The following EML1 variants were observed in gnomAD, a reference collection of about 807,000 sequenced individuals.
EML1 encodes the protein echinoderm microtubule-associated protein-like 1.
EML1 carries 27 observed loss-of-function variants against 110.4 expected under a neutral mutation model. The ratio of observed to expected loss-of-function variants is 0.24; its 90% CI spans 0.18 to 0.34. EML1 has a LOEUF of 0.34. EML1 is among the 10% of genes least tolerant of loss of function. The pLI is 1.00. For synonymous variants in EML1, 344 were observed against 385.8 expected (o/e 0.89, Z 1.27); for missense variants, 741 against 1,030.9 (o/e 0.72, Z 3.85).
At chr14:99,848,008 A>G (rs1044081182) in intron 1 of EML1, among the ~76,000 whole-genome samples, 2 of 152,066 alleles carry the variant, frequency 1.3e-5, no homozygotes, top group African/African-American at 2.4e-5. Flanking sequence ...TATTGCTTTA[A>G]TGTAACATGT....
At chr14:99,824,236 A>G (rs1273642772) in intron 1 of EML1, among the ~76,000 whole-genome samples, 9 of 152,224 alleles carry the variant, frequency 5.9e-5, no homozygotes, top group Non-Finnish European at 1.5e-5. Flanking sequence ...CTGGGATTAC[A>G]GGCGTGAGCC....
chr14:99,737,863 G>A, intron 1 of EML1: 1 of 1,289,242 alleles, frequency 7.8e-7, no homozygotes, highest in South Asian at 1.2e-5. Flanking sequence ...CTCCGCCGGT[G>A]AGTGGCAGCG....
rs992431447 is a variant in EML1, at chr14:99,919,160, G to C, written c.1820+1311G>C. Among the ~76,000 whole-genome samples the C allele has an allele frequency of 2.0e-5, 3 of 152,188 alleles. No homozygotes were observed. In the East Asian group the frequency reaches 5.8e-4, roughly 29 times the overall value. ...GGGTTATTATTATCATTGCTTTCCAGGTTTTGATTGAACATTTATGCTGCT... is the reference window on the plus strand; with the variant it reads ...GGGTTATTATTATCATTGCTTTCCACGTTTTGATTGAACATTTATGCTGCT... On this transcript the variant is annotated intron_variant, in intron 16 of 21. Transcript: ENST00000262233.
chr14:99,939,220 G>A lies in EML1; in HGVS notation c.2215G>A (p.Gly739Arg), dbSNP rs748895684. The A allele has an allele frequency of 3.7e-6, 6 of 1,614,144 alleles. No individual in the cohort carries two copies. Among genetic ancestry groups the A allele is most frequent in the African/African-American group, 1.3e-5 (1 of 75,048 alleles). ...VFGVWPEGSD[G>R]TDINAVCRAH... ...AGGAGTGTGGCCAGAAGGCTCGGAC[G>A]GAACCGACATCAATGCCGTCTGTCG... Residue 739 changes from glycine to arginine, a missense_variant, in exon 21 of 22, where the codon GGA (glycine) becomes AGA (arginine). Physicochemically the swap from Gly to Arg is moderately radical, Grantham distance 125. This residue lies in a region of EML1 where 114 missense variants were observed against 122.5 expected (regional missense o/e 0.93). Transcript: ENST00000262233. The surrounding 1 kb of genome is among the most constrained non-coding windows in gnomAD (Gnocchi z 4.2).
rs4900448 is a variant in EML1, at chr14:99,936,491, G to T, written c.2095+157G>T. Among the ~76,000 whole-genome samples the T allele has an allele frequency of 0.34, 51,663 of 151,800 alleles. 10,897 individuals carry two copies. Among genetic ancestry groups the T allele is most frequent in the Non-Finnish European group, 0.46 (31,503 of 67,850 alleles). On this transcript the variant is annotated intron_variant, in intron 19 of 21. Coordinates refer to ENST00000262233, the MANE Select transcript of EML1 (RefSeq NM_004434.3). This position sits in a 1 kb window ranked among gnomAD's most constrained non-coding sequence, Gnocchi z 5.5. ...CGCCTCTGTAACGTAGGGGAGTGGG[G>T]CTGCGTGGCTTCTTGGGTCCTTCCC...
At chr14:99,763,380 T>C (rs1167199353) in intron 1 of EML1, among the ~76,000 whole-genome samples, 1 of 152,182 alleles carries the variant, frequency 6.6e-6, no homozygotes, top group Non-Finnish European at 1.5e-5. Context: ...TGAGTAGACA[T>C]GGACACACCT....
At chr14:99,766,392 C>G (rs747744083) in intron 1 of EML1, among the ~76,000 whole-genome samples, 4 of 151,970 alleles carry the variant, frequency 2.6e-5, no homozygotes, top group African/African-American at 7.3e-5. Context: ...CAGGGTTTCA[C>G]TATGTTGGCC....
chr14:99,938,757 C>T (rs936004293), intron 20 of EML1, among the ~76,000 whole-genome samples: 3 of 152,244 alleles, frequency 2.0e-5, no homozygotes, highest in African/African-American at 7.2e-5. Flanking sequence ...TGCGCACACC[C>T]AGGGTTAAAA....
chr14:99,754,861 G>A (rs2140178502), intron 1 of EML1, among the ~76,000 whole-genome samples: 1 of 152,252 alleles, frequency 6.6e-6, no homozygotes, highest in East Asian at 1.9e-4. Flanking sequence ...GGGGCTCAGA[G>A]GAGCTGTTGC....
At chr14:99,862,485 A>G (rs769484087) in intron 2 of EML1, among the ~76,000 whole-genome samples, 1 of 152,180 alleles carries the variant, frequency 6.6e-6, no homozygotes, top group Non-Finnish European at 1.5e-5. Flanking sequence ...TTCAGAATAC[A>G]GCTGTATGGG....
chr14:99,882,126 T>C (rs2059395114), intron 4 of EML1, among the ~76,000 whole-genome samples: 1 of 152,244 alleles, frequency 6.6e-6, no homozygotes, highest in African/African-American at 2.4e-5. Flanking sequence ...GTATTTTACT[T>C]TATGTATTAT....
At chr14:99,882,455 G>A (rs2059401058) in intron 4 of EML1, among the ~76,000 whole-genome samples, 1 of 152,140 alleles carries the variant, frequency 6.6e-6, no homozygotes, top group Non-Finnish European at 1.5e-5. Context: ...CAGCTTTACT[G>A]AAAGTTGTTG....
chr14:99,811,165 GGT>G (rs1491199395), intron 1 of EML1, among the ~76,000 whole-genome samples: 2,014 of 149,932 alleles, frequency 0.013, 21 homozygotes, highest in Middle Eastern at 0.031. Flanking sequence ...GTATAATAGG[GGT>G]TTTTTTTTTG....
chr14:99,902,486 C>T (rs752470216), intron 9 of EML1, among the ~76,000 whole-genome samples: 2 of 152,100 alleles, frequency 1.3e-5, no homozygotes, highest in African/African-American at 2.4e-5. Context: ...ACAAATGTAC[C>T]ATAGTTCTTG....
intron 1 of EML1, among the ~76,000 whole-genome samples, chr14:99,783,792 T>C (rs906518122): frequency 7.2e-5 from 11 of 152,146 alleles, no homozygotes; most frequent in African/African-American, 2.7e-4. Flanking sequence ...CCCAAAGGGG[T>C]ACTATTAATG....
chr14:99,840,904 A>G (rs1443921441), intron 1 of EML1, among the ~76,000 whole-genome samples: 1 of 152,332 alleles, frequency 6.6e-6, no homozygotes, highest in East Asian at 1.9e-4. Flanking sequence ...TTAAACTTCA[A>G]AGTCAGATCT....
intron 1 of EML1, among the ~76,000 whole-genome samples, chr14:99,804,721 T>G (rs2057940463): frequency 6.6e-6 from 1 of 152,218 alleles, no homozygotes; most frequent in African/African-American, 2.4e-5. Context: ...AGCAAAGGCC[T>G]TTCCCTTGGA....
chr14:99,909,167 G>A, intron 10 of EML1, 178 bp from the exon 11 acceptor site: 1 of 943,528 alleles, frequency 1.1e-6, no homozygotes, highest in Non-Finnish European at 1.7e-6. Context: ...AGGTATTAAG[G>A]CCCACACCAG....
intron 1 of EML1, among the ~76,000 whole-genome samples, chr14:99,839,862 G>T (rs1595365329): frequency 6.6e-6 from 1 of 152,208 alleles, no homozygotes; most frequent in East Asian, 1.9e-4. Flanking sequence ...AGGACACAGG[G>T]TTCCTAACTG....
Sources: gnomAD v4.1 joint callset for allele counts (sites outside exome capture counted in the v4.1 genomes callset) on GRCh38, gnomAD v4.1.1 for gene constraint, gnomAD v4.1.1 regional missense constraint, Gnocchi (gnomAD v3.1) non-coding constraint, MANE v1.5 for transcripts, NCBI Gene and HGNC (gene_info 2026-07-23, HGNC 2026-07-21) for gene names.